ATP10D: variants seen among roughly 807,000 people sequenced by gnomAD.
ATP10D encodes phospholipid-transporting ATPase VD.
ATP10D carries 89 observed loss-of-function variants against 144.8 expected under a neutral mutation model. That is an observed-to-expected ratio of 0.61 (90% confidence interval 0.52 to 0.73). The LOEUF (loss-of-function observed/expected upper bound fraction) is 0.73, where lower values mean the gene tolerates loss of function less well. Among genes scored for constraint, ATP10D ranks in the 30% least tolerant of loss-of-function variants. ATP10D has a pLI of 0.00. For missense variants in ATP10D, 1,603 were observed against 1,714.8 expected, an observed-to-expected ratio of 0.93 and a Z score of 1.15; for synonymous variants, 571 against 615.1, an observed-to-expected ratio of 0.93 and a Z score of 1.06.
rs1721103380 is a variant in ATP10D, at chr4:47,592,767, T to C, written c.*1386T>C. The C allele has an allele frequency of 6.6e-6, 1 of 152,602 alleles. No individual in the cohort carries two copies. Among genetic ancestry groups the C allele is most frequent in the Non-Finnish European group, 1.5e-5 (1 of 68,004 alleles). The allele number at this position is 152,602 out of a possible 1,614,324, so 9.5% of individuals were successfully genotyped here. The stretch of plus-strand genomic sequence containing the variant: ...TGTAGCCTTCTGTTATTATTGGAAA[T>C]AGTCTCTTACATAAGCTGATTTCGA... On this transcript the variant is annotated 3_prime_UTR_variant, in exon 23 of 23. Transcript: ENST00000273859.
chr4:47,550,026 C>T (rs996437662), intron 10 of ATP10D, among the ~76,000 whole-genome samples: 4 of 149,368 alleles, frequency 2.7e-5, no homozygotes, highest in Non-Finnish European at 5.9e-5. Context: ...AAGATATTTG[C>T]GTCCACTCTT....
At chr4:47,519,970 T>A (rs975819660) in intron 3 of ATP10D, among the ~76,000 whole-genome samples, 2 of 152,196 alleles carry the variant, frequency 1.3e-5, no homozygotes, top group Non-Finnish European at 2.9e-5. Flanking sequence ...AATTAGCTAG[T>A]GTTTTGTTTT....
At chr4:47,512,281 T>A (rs1716375909) in intron 1 of ATP10D, among the ~76,000 whole-genome samples, 1 of 152,176 alleles carries the variant, frequency 6.6e-6, no homozygotes, top group Non-Finnish European at 1.5e-5. Context: ...GCCTTTTAGG[T>A]GCTGTCTCTT....
intron 18 of ATP10D, among the ~76,000 whole-genome samples, chr4:47,574,388 G>A (rs941582262): frequency 6.6e-6 from 1 of 152,142 alleles, no homozygotes; most frequent in East Asian, 1.9e-4. Context: ...GCTAAACAAT[G>A]CATATTTTAT....
chr4:47,495,436 A>G (rs61496290), intron 1 of ATP10D, among the ~76,000 whole-genome samples: 30,836 of 152,178 alleles, frequency 0.2, 3,598 homozygotes, highest in African/African-American at 0.32. Flanking sequence ...AGTTTCATCA[A>G]AATTTAACTT....
Position 47,546,619 on chromosome 4 carries a change from C to T in ATP10D, c.1397-5C>T. 2 of 1,613,076 alleles carry T rather than the reference C, an allele frequency of 1.2e-6. No homozygotes were observed. Among genetic ancestry groups the T allele is most frequent in the Non-Finnish European group, 1.7e-6 (2 of 1,179,122 alleles). ...CATTGACTCAGTGTGCTTTTTATCC[C>T]ACAGCCAGGAGGTTGGAGTCCTATC... is the stretch of plus-strand genomic sequence containing the variant. On this transcript the variant is annotated splice_region_variant and splice_polypyrimidine_tract_variant and intron_variant, in intron 9 of 22. Transcript: ENST00000273859.
chr4:47,587,968 T>TTTTG (rs149586283), intron 22 of ATP10D, among the ~76,000 whole-genome samples: 6,700 of 152,058 alleles, frequency 0.044, 505 homozygotes, highest in African/African-American at 0.15. Flanking sequence ...GTTTTTATAT[T>TTTTG]TTTGTTTGTT....
At position 47,515,567 on chromosome 4, in the gene ATP10D, G is replaced by A. The variant is rs1484397911; in HGVS notation, c.382G>A (p.Val128Met). The A allele has an allele frequency of 6.2e-7, 1 of 1,613,572 alleles. No homozygotes were observed. Among genetic ancestry groups the A allele is most frequent in the Admixed American group, 1.7e-5 (1 of 60,014 alleles). Residue 128 changes from valine (V) to methionine (M), a missense_variant, in exon 3 of 23, where the codon GTG becomes ATG. Physicochemically the swap from Val to Met is conservative, Grantham distance 21. Transcript: ENST00000273859. Reference protein sequence around the residue: ...FQKEITMLPLVVVLTIIAIKD... With the variant: ...FQKEITMLPLMVVLTIIAIKD... ...AAAGGAAATCACCATGTTGCCTCTG[G>A]TGGTGGTCCTTACAATTATCGCAAT...
chr4:47,505,722 C>A (rs913159446), intron 1 of ATP10D, among the ~76,000 whole-genome samples: 1 of 150,306 alleles, frequency 6.7e-6, no homozygotes, highest in African/African-American at 2.5e-5. Flanking sequence ...CCAGCATGGG[C>A]GACAGAGCAA....
intron 9 of ATP10D, among the ~76,000 whole-genome samples, chr4:47,546,219 C>T (rs1168429246): frequency 1.3e-5 from 2 of 151,976 alleles, no homozygotes; most frequent in Admixed American, 6.6e-5. Context: ...GACAGAAAGC[C>T]ATGAAATTAC....
chr4:47,536,700 TTCTCTC>T lies in ATP10D; in HGVS notation c.1160_1165del (p.Ser387_Leu388del), dbSNP rs774487967. 2.7e-5 allele frequency: 44 copies of T among 1,609,034 alleles called. No homozygotes were observed. In the South Asian group the frequency reaches 4.0e-4, roughly 15 times the overall value. ...GATCTTCTTAGGTCTTGATTCCTAT[TTCTCTC>T]TATGTTTCCATCGAAATTGTGAAGC... On this transcript the variant is annotated inframe_deletion, in exon 9 of 23. Coordinates refer to ENST00000273859, the MANE Select transcript of ATP10D (RefSeq NM_020453.4).
intron 1 of ATP10D, among the ~76,000 whole-genome samples, chr4:47,487,226 TCCC>T (rs67968737): frequency 3.3e-4 from 40 of 120,446 alleles, no homozygotes; most frequent in Admixed American, 5.3e-4. Context: ...CAAAACTCCG[TCCC>T]CCAAAAAAAA....
intron 1 of ATP10D, among the ~76,000 whole-genome samples, chr4:47,488,612 C>CAAAAAAAAAAAAAAAAAAAAAATAAAAA (rs56859197): frequency 1.1e-5 from 1 of 91,318 alleles, no homozygotes; most frequent in Non-Finnish European, 2.3e-5. Flanking sequence ...ATATAATAAG[C>CAAAAAAAAAAAAAAAAAAAAAATAAAAA]AAAAAAAAAA....
intron 10 of ATP10D, chr4:47,547,245 T>C: frequency 4.6e-6 from 1 of 216,596 alleles, no homozygotes; most frequent in African/African-American, 2.3e-5. Flanking sequence ...TATAGGGACA[T>C]TCATAGGCCA....
chr4:47,485,294 A>AG lies in ATP10D; in HGVS notation c.-261dup, dbSNP rs1714679197. On this transcript the variant is annotated 5_prime_UTR_variant, in exon 1 of 23. Transcript: ENST00000273859. ...TGCTCTGCAGCCTGGCGGAGACGGG[A>AG]GGAGGAGCGGAGGGAGAAGTAGGTT... 1 of 151,918 alleles carries AG rather than the reference A, an allele frequency of 6.6e-6. No individual in the cohort carries two copies. The allele number at this position is 151,918 out of a possible 1,614,324, so 9.4% of individuals were successfully genotyped here.
chr4:47,493,723 C>T (rs1715209275), intron 1 of ATP10D, among the ~76,000 whole-genome samples: 2 of 152,130 alleles, frequency 1.3e-5, no homozygotes, highest in South Asian at 2.1e-4. Context: ...ATCACTTGAG[C>T]TTGTTAGAAT....
At chr4:47,565,506 C>A (rs1416752755) in intron 15 of ATP10D, among the ~76,000 whole-genome samples, 1 of 152,150 alleles carries the variant, frequency 6.6e-6, no homozygotes, top group Non-Finnish European at 1.5e-5. Flanking sequence ...CTGCCGCTGA[C>A]TGAGTATGTG....
chr4:47,526,961 A>G (rs571374104), intron 5 of ATP10D, among the ~76,000 whole-genome samples: 9 of 152,316 alleles, frequency 5.9e-5, no homozygotes, highest in Middle Eastern at 3.4e-3. Context: ...TGACAATCTT[A>G]TTTTAAAATT....
intron 1 of ATP10D, among the ~76,000 whole-genome samples, chr4:47,487,090 G>A (rs1714802080): frequency 1.3e-5 from 2 of 152,048 alleles, no homozygotes; most frequent in Admixed American, 6.5e-5. Flanking sequence ...TTGGCTGGGC[G>A]TGGTGGTGCA....
Sources: allele counts gnomAD v4.1 joint callset (sites outside exome capture counted in the v4.1 genomes callset), GRCh38; gene constraint gnomAD v4.1.1; transcripts MANE v1.5; gene names NCBI Gene and HGNC (gene_info 2026-07-23, HGNC 2026-07-21).